NRG2: variants seen among roughly 807,000 people sequenced by gnomAD.
NRG2 encodes neuregulin 2.
Under a neutral mutation model 73.9 loss-of-function variants are expected in NRG2, and 27 were observed. The observed-to-expected ratio is 0.37, with a 90% CI of 0.27 to 0.50. NRG2 has a LOEUF of 0.50. Ranked by LOEUF, NRG2 falls within the 20% of genes least tolerant of loss-of-function variation. The pLI, the probability that NRG2 is intolerant of heterozygous loss-of-function variation, is 0.96. For synonymous variants in NRG2, 532 were observed against 541.0 expected, an observed-to-expected ratio of 0.98 and a Z score of 0.23; for missense variants, 1,126 against 1,210.1, an observed-to-expected ratio of 0.93 and a Z score of 1.03.
At chr5:139,858,159 G>C (rs746825724) in intron 5 of NRG2, among the ~76,000 whole-genome samples, 2 of 152,210 alleles carry the variant, frequency 1.3e-5, no homozygotes, top group Admixed American at 1.3e-4. Flanking sequence ...GCCCCCGGCT[G>C]CTTGGTCCCA....
Position 139,904,353 on chromosome 5 carries a change from G to T in NRG2, c.701-16842C>A, listed in dbSNP as rs757273413. On this transcript the variant is annotated intron_variant, in intron 1 of 9. Transcript: ENST00000361474. This position sits in a 1 kb window ranked among gnomAD's most constrained non-coding sequence, Gnocchi z 6.0. ...CCCTCTCCCGCTTCCTCCCCTCTGG[G>T]TGCTTCTTGCCGCGGCCGCGGCCCC... is the stretch of plus-strand genomic sequence containing the variant. The T allele has an allele frequency of 1.9e-6, 3 of 1,592,890 alleles. No individual in the cohort carries two copies. The highest frequency in any genetic ancestry group is 2.5e-6 in the Non-Finnish European group (3 of 1,177,752).
intron 1 of NRG2, among the ~76,000 whole-genome samples, chr5:139,943,402 C>G (rs1172327437): frequency 6.6e-6 from 1 of 152,194 alleles, no homozygotes; most frequent in African/African-American, 2.4e-5. Flanking sequence ...CCTGCCTCAG[C>G]CTCCCACAGT....
chr5:139,852,482 G>A lies in NRG2; in HGVS notation c.1494C>T (p.Ser498=), dbSNP rs748339509. Residue 498 remains serine, a synonymous_variant, in exon 8 of 10, where the codon TCC becomes TCT. Transcript: ENST00000361474. The surrounding 1 kb of genome is among the most constrained non-coding windows in gnomAD (Gnocchi z 4.4). ...ETETTFSGSH[S]CSPSHHCSTA... The stretch of plus-strand genomic sequence containing the variant: ...TGGAGCAGTGGTGAGAAGGAGAACA[G>A]GAGTGGCTCCCAGAGAAGGTGGTCT... 2 of 1,614,142 alleles carry A rather than the reference G, an allele frequency of 1.2e-6. No individual in the cohort carries two copies.
intron 1 of NRG2, among the ~76,000 whole-genome samples, chr5:139,955,261 G>C (rs1754530709): frequency 6.6e-6 from 1 of 152,172 alleles, no homozygotes; most frequent in Non-Finnish European, 1.5e-5. Context: ...GCTTCTCAGA[G>C]GAGGTGACGG....
chr5:139,995,500 C>T (rs1757956524), intron 1 of NRG2, among the ~76,000 whole-genome samples: 1 of 152,176 alleles, frequency 6.6e-6, no homozygotes, highest in Non-Finnish European at 1.5e-5. Context: ...GTTCCCACAA[C>T]TAGAAGGAAG....
At chr5:139,863,854 G>T (rs547464277) in intron 5 of NRG2, among the ~76,000 whole-genome samples, 1 of 152,352 alleles carries the variant, frequency 6.6e-6, no homozygotes, top group African/African-American at 2.4e-5. Context: ...GGGCCAAGCA[G>T]CTCCCATCCC....
intron 1 of NRG2, among the ~76,000 whole-genome samples, chr5:139,977,970 A>G (rs968019786): frequency 3.3e-5 from 5 of 152,390 alleles, no homozygotes; most frequent in African/African-American, 1.2e-4. Flanking sequence ...CTTAAATGTC[A>G]GACCTAAAAC....
intron 1 of NRG2, among the ~76,000 whole-genome samples, chr5:139,995,808 G>A (rs1757973888): frequency 6.6e-6 from 1 of 152,126 alleles, no homozygotes; most frequent in South Asian, 2.1e-4. Flanking sequence ...GAGGCCAAGA[G>A]TTCAAGACCA....
At chr5:139,975,789 A>C (rs909758463) in intron 1 of NRG2, among the ~76,000 whole-genome samples, 5 of 152,226 alleles carry the variant, frequency 3.3e-5, no homozygotes, top group South Asian at 2.1e-4. Flanking sequence ...CACCAGAAGA[A>C]AACTGTCTGT....
At chr5:139,922,239 C>T (rs1421080828) in intron 1 of NRG2, among the ~76,000 whole-genome samples, 1 of 152,008 alleles carries the variant, frequency 6.6e-6, no homozygotes, top group African/African-American at 2.4e-5. Context: ...ATACAAAGAA[C>T]TCTTAGAACT....
At chr5:139,959,019 C>CA (rs1754856514) in intron 1 of NRG2, among the ~76,000 whole-genome samples, 1 of 152,130 alleles carries the variant, frequency 6.6e-6, no homozygotes, top group African/African-American at 2.4e-5. Flanking sequence ...CCTCCAACCC[C>CA]AAAAATGCTG....
At position 140,042,533 on chromosome 5, in the gene NRG2, C is replaced by G. The variant is rs776204362; in HGVS notation, c.537G>C (p.Val179=). ...LRSGGLQREQ[V]ISVGSCVPLE... ...GCGGCACACAGGAGCCCACGCTGAT[C>G]ACCTGCTCGCGCTGCAGCCCCCCGC... is the stretch of plus-strand genomic sequence containing the variant. The change falls in exon 1 of 10, where the codon GTG becomes GTC. Residue 179 remains valine (V), a synonymous_variant. Coordinates refer to ENST00000361474, the MANE Select transcript of NRG2 (RefSeq NM_004883.3). The G allele has an allele frequency of 1.9e-6, 3 of 1,612,978 alleles. No individual in the cohort carries two copies. Among genetic ancestry groups the G allele is most frequent in the Non-Finnish European group, 2.5e-6 (3 of 1,179,558 alleles).
intron 1 of NRG2, among the ~76,000 whole-genome samples, chr5:139,908,877 G>T (rs1765415685): frequency 6.6e-6 from 1 of 152,242 alleles, no homozygotes; most frequent in African/African-American, 2.4e-5. Flanking sequence ...AGTTTCCAGA[G>T]CAAAGGTTTC....
chr5:139,861,734 G>A, intron 5 of NRG2: 1 of 517,356 alleles, frequency 1.9e-6, no homozygotes, highest in Non-Finnish European at 3.9e-6. Context: ...GGCGTGCTGA[G>A]TAGACAGTAC....
At chr5:140,016,051 C>T (rs541161827) in intron 1 of NRG2, among the ~76,000 whole-genome samples, 2 of 152,282 alleles carry the variant, frequency 1.3e-5, no homozygotes, top group South Asian at 2.1e-4. Context: ...TAAAATGGCT[C>T]CTTATGCCGA....
At chr5:139,987,237 G>A (rs112491345) in intron 1 of NRG2, among the ~76,000 whole-genome samples, 249 of 150,958 alleles carry the variant, frequency 1.6e-3, no homozygotes, top group African/African-American at 5.4e-3. Flanking sequence ...AAAATTAGCC[G>A]AGCGTGGCGG....
intron 1 of NRG2, among the ~76,000 whole-genome samples, chr5:139,948,380 G>A (rs984633031): frequency 6.6e-6 from 1 of 151,964 alleles, no homozygotes; most frequent in South Asian, 2.1e-4. Context: ...TGGACTTCCC[G>A]AGAGACCTAA....
At chr5:139,862,995 G>A (rs2127041404) in intron 5 of NRG2, among the ~76,000 whole-genome samples, 1 of 152,350 alleles carries the variant, frequency 6.6e-6, no homozygotes, top group South Asian at 2.1e-4. Context: ...TGTGCTGGGA[G>A]TCAGCCTCTA....
At chr5:139,962,095 C>T (rs1018352548) in intron 1 of NRG2, among the ~76,000 whole-genome samples, 1 of 152,178 alleles carries the variant, frequency 6.6e-6, no homozygotes, top group Non-Finnish European at 1.5e-5. Flanking sequence ...TATCTGTCTC[C>T]CTGGCCCCAG....
Sources: gnomAD v4.1 joint callset for allele counts (sites outside exome capture counted in the v4.1 genomes callset) on GRCh38, gnomAD v4.1.1 for gene constraint, Gnocchi (gnomAD v3.1) non-coding constraint, MANE v1.5 for transcripts, NCBI Gene and HGNC (gene_info 2026-07-23, HGNC 2026-07-21) for gene names.